The following ALCAM variants were observed in gnomAD, a reference collection of about 807,000 sequenced individuals.
The protein encoded by ALCAM is activated leukocyte cell adhesion molecule, also known as CD166 antigen.
ALCAM carries 30 observed loss-of-function variants against 70.9 expected under a neutral mutation model. The ratio of observed to expected loss-of-function variants is 0.42; its 90% CI spans 0.32 to 0.57. The LOEUF (loss-of-function observed/expected upper bound fraction) is 0.57. ALCAM is among the 20% of genes least tolerant of loss of function. ALCAM has a pLI of 0.11. For missense variants in ALCAM, 591 were observed against 695.1 expected (o/e 0.85, Z 1.68); for synonymous variants, 249 against 242.5 (o/e 1.03, Z -0.25).
chr3:105,506,274 CTGT>C (rs1162163565), intron 1 of ALCAM, among the ~76,000 whole-genome samples: 2 of 152,120 alleles, frequency 1.3e-5, no homozygotes, highest in East Asian at 3.8e-4. Flanking sequence ...TTCTTATTAG[CTGT>C]TGTAAATACA....
intron 1 of ALCAM, among the ~76,000 whole-genome samples, chr3:105,497,723 C>T (rs1938792542): frequency 6.6e-6 from 1 of 151,972 alleles, no homozygotes; most frequent in Non-Finnish European, 1.5e-5. Flanking sequence ...CTTTTTGGCT[C>T]TTACTGTTTG....
chr3:105,501,925 A>G (rs1559813230), intron 1 of ALCAM, among the ~76,000 whole-genome samples: 1 of 152,246 alleles, frequency 6.6e-6, no homozygotes, highest in Non-Finnish European at 1.5e-5. Flanking sequence ...AACTCAAGTT[A>G]CAGTTGAAAA....
chr3:105,534,897 CA>C, intron 6 of ALCAM, 52 bp downstream of exon 6: 1 of 1,479,576 alleles, frequency 6.8e-7, no homozygotes, highest in African/African-American at 1.4e-5. Context: ...AAATAATATT[CA>C]AATGCTATTA....
intron 1 of ALCAM, among the ~76,000 whole-genome samples, chr3:105,486,777 A>G (rs907482291): frequency 4.6e-5 from 7 of 152,134 alleles, no homozygotes; most frequent in African/African-American, 1.7e-4. Context: ...AAAAATATAG[A>G]TGGAAAACTT....
intron 1 of ALCAM, among the ~76,000 whole-genome samples, chr3:105,382,408 A>C (rs901856508): frequency 7.2e-5 from 11 of 151,986 alleles, no homozygotes; most frequent in African/African-American, 2.4e-4. Context: ...ATACATGTGC[A>C]TGTGTCTTTA....
chr3:105,450,679 C>A lies in ALCAM; in HGVS notation c.74-69388C>A, dbSNP rs1163755141. Among the ~76,000 whole-genome samples the A allele has an allele frequency of 2.0e-5, 3 of 152,068 alleles. No homozygotes were observed. The East Asian group carries it at 5.8e-4, about 29-fold the overall frequency. On this transcript the variant is annotated intron_variant, in intron 1 of 15. Coordinates refer to ENST00000306107, the MANE Select transcript of ALCAM (RefSeq NM_001627.4). ...ATTCTTTTTTTCTATATGTCTCAGA[C>A]AGAATAGATGGAGTGTGCAAGGATA... is the stretch of plus-strand genomic sequence containing the variant.
At position 105,575,518 on chromosome 3, in the gene ALCAM, A is replaced by G. The variant is rs1286298725; in HGVS notation, c.*1067A>G. ...CTACAGATATTGAATGCACCTTGAG[A>G]TAATTTAGTGTTTTTAACTGATACA... is the stretch of plus-strand genomic sequence containing the variant. On this transcript the variant is annotated 3_prime_UTR_variant, in exon 16 of 16. Coordinates refer to ENST00000306107, the MANE Select transcript of ALCAM (RefSeq NM_001627.4). 2.0e-5 allele frequency: 3 copies of G among 152,500 alleles called. No homozygotes were observed. Among genetic ancestry groups the G allele is most frequent in the African/African-American group, 7.2e-5 (3 of 41,394 alleles). The allele number at this position is 152,500 out of a possible 1,614,324, so 9.4% of individuals were successfully genotyped here. A position where few individuals can be genotyped will look rare whatever the true frequency, so the allele number is the denominator to read the frequency against.
chr3:105,572,045 A>G (rs1457577798), intron 15 of ALCAM, 81 bp downstream of exon 15: 4 of 758,696 alleles, frequency 5.3e-6, no homozygotes, highest in Non-Finnish European at 6.3e-6. Context: ...CTTTATGTTA[A>G]GATGCTCCAT....
chr3:105,518,114 A>G (rs1355652248), intron 1 of ALCAM, among the ~76,000 whole-genome samples: 1 of 151,956 alleles, frequency 6.6e-6, no homozygotes, highest in Non-Finnish European at 1.5e-5. Context: ...TGGAAAAGGA[A>G]TTTTCTTATT....
At chr3:105,528,756 A>G (rs1476937026) in intron 3 of ALCAM, among the ~76,000 whole-genome samples, 1 of 152,148 alleles carries the variant, frequency 6.6e-6, no homozygotes, top group African/African-American at 2.4e-5. Flanking sequence ...AGAGGGAGAG[A>G]ATCAGGAAAA....
At chr3:105,550,892 A>G (rs1940386504) in intron 12 of ALCAM, among the ~76,000 whole-genome samples, 1 of 151,682 alleles carries the variant, frequency 6.6e-6, no homozygotes, top group Non-Finnish European at 1.5e-5. Flanking sequence ...CATACATACC[A>G]ACAACAGCTT....
chr3:105,390,673 A>T (rs1019783175), intron 1 of ALCAM, among the ~76,000 whole-genome samples: 1 of 152,060 alleles, frequency 6.6e-6, no homozygotes, highest in African/African-American at 2.4e-5. Flanking sequence ...ATCTTTGCCC[A>T]TGCCTATGTC....
At chr3:105,409,827 ATACTT>A (rs1936341857) in intron 1 of ALCAM, among the ~76,000 whole-genome samples, 1 of 152,124 alleles carries the variant, frequency 6.6e-6, no homozygotes, top group African/African-American at 2.4e-5. Context: ...ATTTTCTAAT[ATACTT>A]TATTTTTTAG....
intron 1 of ALCAM, among the ~76,000 whole-genome samples, chr3:105,424,145 G>T (rs553247604): frequency 4.6e-5 from 7 of 151,590 alleles, no homozygotes; most frequent in African/African-American, 1.4e-4. Context: ...CTGAGAAATT[G>T]TATCTACTTT....
At chr3:105,556,939 AT>A (rs1333885448) in intron 14 of ALCAM, among the ~76,000 whole-genome samples, 1 of 151,936 alleles carries the variant, frequency 6.6e-6, no homozygotes, top group Non-Finnish European at 1.5e-5. Context: ...ATCCTCAACA[AT>A]TTAATGAGGT....
chr3:105,397,441 T>G (rs1231499800), intron 1 of ALCAM, among the ~76,000 whole-genome samples: 1 of 152,006 alleles, frequency 6.6e-6, no homozygotes, highest in Non-Finnish European at 1.5e-5. Context: ...TAAGTTTAAA[T>G]GGGTGACTAA....
intron 1 of ALCAM, among the ~76,000 whole-genome samples, chr3:105,446,609 G>GTACA (rs1418067043): frequency 1.1e-5 from 1 of 93,738 alleles, no homozygotes; most frequent in Non-Finnish European, 2.2e-5. Flanking sequence ...GAAATTTGGT[G>GTACA]TACACACACA....
At chr3:105,552,804 T>C (rs975237712) in intron 14 of ALCAM, 103 of 1,350,350 alleles carry the variant, frequency 7.6e-5, no homozygotes, top group Non-Finnish European at 9.4e-5. Flanking sequence ...GTCCGTTTAT[T>C]TGTCTCAATC....
intron 1 of ALCAM, among the ~76,000 whole-genome samples, chr3:105,499,084 A>G (rs542737247): frequency 3.3e-5 from 5 of 152,320 alleles, no homozygotes; most frequent in Admixed American, 6.5e-5. Context: ...TTACAATAGT[A>G]CAATATCACT....
Sources: allele counts gnomAD v4.1 joint callset (sites outside exome capture counted in the v4.1 genomes callset), GRCh38; gene constraint gnomAD v4.1.1; transcripts MANE v1.5; gene names NCBI Gene and HGNC (gene_info 2026-07-23, HGNC 2026-07-21).